MYO16: variants seen among roughly 807,000 people sequenced by gnomAD.
MYO16 encodes the protein myosin XVI, also known as unconventional myosin-XVI.
In MYO16, 94 loss-of-function variants were observed where a neutral mutation model predicts 205.3. The ratio of observed to expected loss-of-function variants is 0.46; its 90% CI spans 0.39 to 0.54. The LOEUF (loss-of-function observed/expected upper bound fraction) is 0.54. Ranked by LOEUF, MYO16 falls within the 20% of genes least tolerant of loss-of-function variation. The pLI, the probability that MYO16 is intolerant of heterozygous loss-of-function variation, is 0.00. For synonymous variants in MYO16, 988 were observed against 954.0 expected (o/e 1.04, Z -0.66); for missense variants, 2,315 against 2,387.5 (o/e 0.97, Z 0.63).
chr13:109,165,833 T>C (rs572154400), intron 33 of MYO16, among the ~76,000 whole-genome samples: 4 of 152,242 alleles, frequency 2.6e-5, no homozygotes, highest in Non-Finnish European at 5.9e-5. Context: ...CTTCTCAAAT[T>C]ACAGGGCAAG....
rs139794571 is a variant in MYO16 at position 108,615,857 on chromosome 13, T to C, written c.-39+19618T>C. On this transcript the variant is annotated intron_variant, in intron 1 of 24. Coordinates refer to the MYO16 transcript ENST00000251041. Reference sequence around the variant, plus strand: ...AACTGTCTACCTCCATACTAAACAATCCATTAGTATAAAAGTGAAATACGC... The same window carrying C: ...AACTGTCTACCTCCATACTAAACAACCCATTAGTATAAAAGTGAAATACGC... Among the ~76,000 whole-genome samples, 746 of 152,232 alleles carry C rather than the reference T, an allele frequency of 4.9e-3. 2 individuals carry two copies. Among genetic ancestry groups the C allele is most frequent in the African/African-American group, 0.016 (657 of 41,536 alleles).
intron 3 of MYO16, among the ~76,000 whole-genome samples, chr13:108,723,876 T>C (rs1461900077): frequency 1.3e-5 from 2 of 152,186 alleles, no homozygotes; most frequent in Non-Finnish European, 2.9e-5. Context: ...TCTGGAATTA[T>C]GACACATTTG....
At chr13:109,007,111 A>G (rs1349111895) in intron 21 of MYO16, among the ~76,000 whole-genome samples, 2 of 152,188 alleles carry the variant, frequency 1.3e-5, no homozygotes, top group African/African-American at 4.8e-5. Flanking sequence ...ACTGCTAGCC[A>G]GGGGCGGTGG....
chr13:109,197,832 AG>A (rs1880223202), intron 34 of MYO16, among the ~76,000 whole-genome samples: 1 of 152,232 alleles, frequency 6.6e-6, no homozygotes, highest in African/African-American at 2.4e-5. Context: ...AGTCTACAAA[AG>A]CAAAATAAAG....
intron 4 of MYO16, among the ~76,000 whole-genome samples, chr13:108,752,773 C>G (rs1371919654): frequency 7.1e-6 from 1 of 140,196 alleles, no homozygotes; most frequent in Non-Finnish European, 1.5e-5. Flanking sequence ...TCCTGAATAG[C>G]TGGGATTACA....
intron 1 of MYO16, among the ~76,000 whole-genome samples, chr13:108,617,219 G>A (rs902178792): frequency 1.3e-5 from 2 of 152,050 alleles, no homozygotes; most frequent in African/African-American, 4.8e-5. Flanking sequence ...CCCCAAGAGC[G>A]CTGGACCCAC....
chr13:108,931,998 A>G (rs1882277479), intron 16 of MYO16, among the ~76,000 whole-genome samples: 1 of 151,924 alleles, frequency 6.6e-6, no homozygotes, highest in East Asian at 1.9e-4. Flanking sequence ...TCTGTTTTAC[A>G]TTTTCCATTT....
chr13:108,535,052 C>T, the MYO16 span, among the ~76,000 whole-genome samples: 2 of 150,226 alleles, frequency 1.3e-5, no homozygotes, highest in African/African-American at 4.9e-5. Flanking sequence ...TCTTCTTCCT[C>T]CTCTTGTTCT....
At chr13:108,989,468 A>G (rs755619038) in intron 20 of MYO16, among the ~76,000 whole-genome samples, 1 of 152,170 alleles carries the variant, frequency 6.6e-6, no homozygotes, top group African/African-American at 2.4e-5. Context: ...GGCCTTCTGG[A>G]TATATAATTG....
intron 16 of MYO16, among the ~76,000 whole-genome samples, chr13:108,915,155 A>G (rs1881439376): frequency 6.6e-6 from 1 of 152,242 alleles, no homozygotes; most frequent in Non-Finnish European, 1.5e-5. Context: ...TAAGTGATAC[A>G]GATATAGACA....
Position 109,141,345 on chromosome 13 carries a change from C to T in MYO16, c.5133C>T (p.Ser1711=), listed in dbSNP as rs147270616. The change falls in exon 32 of 35, where the codon TCC becomes TCT. Residue 1711 remains serine, a synonymous_variant. Transcript: ENST00000457511. This position sits in a 1 kb window ranked among gnomAD's most constrained non-coding sequence, Gnocchi z 4.1. ...CGGGGAGGAGTGTGCTTCGGAAATC[C>T]GCGGCGGGAAGAAAAATCAGGGAAG... ...FNSGRSVLRK[S]AAGRKIREAE... is the part of the protein sequence containing the mutation. 1.6e-5 allele frequency: 25 copies of T among 1,550,312 alleles called. No homozygotes were observed. The African/African-American group carries it at 2.7e-4, about 17-fold the overall frequency.
At chr13:108,595,376 G>T (rs1218874620), upstream of MYO16, among the ~76,000 whole-genome samples, 1 of 151,946 alleles carries the variant, frequency 6.6e-6, no homozygotes, top group Non-Finnish European at 1.5e-5. Context: ...TGGCTGGAAG[G>T]GTCTGACTCT....
chr13:108,504,901 AT>A, the MYO16 span, among the ~76,000 whole-genome samples: 2 of 152,192 alleles, frequency 1.3e-5, no homozygotes, highest in African/African-American at 4.8e-5. Flanking sequence ...AAGTGGAATA[AT>A]GCAGTATTTG....
the MYO16 span, among the ~76,000 whole-genome samples, chr13:108,509,984 T>C: frequency 6.6e-6 from 1 of 152,146 alleles, no homozygotes; most frequent in African/African-American, 2.4e-5. Context: ...GTACGTTGAG[T>C]GAGAAGAGCA....
intron 34 of MYO16, among the ~76,000 whole-genome samples, chr13:109,183,146 C>CT (rs907969839): frequency 6.3e-4 from 96 of 152,150 alleles, no homozygotes; most frequent in Non-Finnish European, 1.1e-3. Flanking sequence ...TGAGATTTTA[C>CT]TTTTTTTAAA....
At chr13:109,191,340 G>T (rs763400695) in intron 34 of MYO16, among the ~76,000 whole-genome samples, 4 of 152,120 alleles carry the variant, frequency 2.6e-5, no homozygotes, top group Non-Finnish European at 4.4e-5. Flanking sequence ...AAGCAAACTT[G>T]CTTGCCCTCA....
chr13:108,953,778 G>A (rs1449693486), intron 16 of MYO16, among the ~76,000 whole-genome samples: 2 of 152,080 alleles, frequency 1.3e-5, no homozygotes, highest in Non-Finnish European at 2.9e-5. Flanking sequence ...TAGTTTTGCT[G>A]ATAATTAAGA....
At chr13:109,196,907 A>T (rs1880185408) in intron 34 of MYO16, among the ~76,000 whole-genome samples, 1 of 152,180 alleles carries the variant, frequency 6.6e-6, no homozygotes, top group Non-Finnish European at 1.5e-5. Context: ...TATTCACCAA[A>T]CAATTTTGTT....
chr13:108,576,405 T>C, the MYO16 span, among the ~76,000 whole-genome samples: 1 of 152,076 alleles, frequency 6.6e-6, no homozygotes, highest in African/African-American at 2.4e-5. Context: ...ACTGTCATAC[T>C]GAGGAACAAC....
Sources: gnomAD v4.1 joint callset for allele counts (sites outside exome capture counted in the v4.1 genomes callset) on GRCh38, gnomAD v4.1.1 for gene constraint, Gnocchi (gnomAD v3.1) non-coding constraint, MANE v1.5 for transcripts, NCBI Gene and HGNC (gene_info 2026-07-23, HGNC 2026-07-21) for gene names.